Variants in TFCP2L1 observed in about 807,000 individuals in gnomAD.
TFCP2L1 encodes the protein transcription factor CP2 like 1, also known as transcription factor CP2-like protein 1.
Under a neutral mutation model 72.2 loss-of-function variants are expected in TFCP2L1, and 12 were observed. The observed-to-expected ratio is 0.17, with a 90% confidence interval of 0.11 to 0.27. The LOEUF (loss-of-function observed/expected upper bound fraction) is 0.27. Among genes scored for constraint, TFCP2L1 ranks in the 10% least tolerant of loss-of-function variants. The probability of loss-of-function intolerance (pLI) is 1.00; values close to 1 mark genes in which losing one functional copy is unlikely to be tolerated. For missense variants in TFCP2L1, 488 were observed against 624.6 expected (o/e 0.78, Z 2.33); for synonymous variants, 260 against 251.0 (o/e 1.04, Z -0.34).
intron 1 of TFCP2L1, 101 bp from the exon 2 acceptor site, chr2:121,281,372 G>C (rs1354377805): frequency 1.5e-6 from 2 of 1,351,988 alleles, no homozygotes; most frequent in East Asian, 2.4e-5. Flanking sequence ...CCGGGGCCCA[G>C]GGTGACACGG....
chr2:121,231,973 G>C lies in TFCP2L1; in HGVS notation c.1199-5C>G. 2 of 1,581,172 alleles carry C rather than the reference G, an allele frequency of 1.3e-6. No individual in the cohort carries two copies. The highest frequency in any genetic ancestry group is 1.7e-6 in the Non-Finnish European group (2 of 1,159,262). On this transcript the variant is annotated splice_region_variant and splice_polypyrimidine_tract_variant and intron_variant, in intron 12 of 14. Transcript: ENST00000263707. Reference sequence around the variant, plus strand: ...CCAGGAAGATGGCGTGGTACACTGGGGGAAGGAGGAGCAAGTGCTGCTTTC... The same window carrying C: ...CCAGGAAGATGGCGTGGTACACTGGCGGAAGGAGGAGCAAGTGCTGCTTTC...
At chr2:121,247,081 G>C in intron 5 of TFCP2L1, 111 bp from the exon 6 acceptor site, 1 of 1,333,162 alleles carries the variant, frequency 7.5e-7, no homozygotes, top group Middle Eastern at 2.5e-4. Context: ...GTCAGTGCAG[G>C]CCTGCCTCGA....
chr2:121,226,681 A>T (rs1686037584), intron 13 of TFCP2L1, among the ~76,000 whole-genome samples: 1 of 152,156 alleles, frequency 6.6e-6, no homozygotes, highest in Admixed American at 6.5e-5. Context: ...GTGACCTTGG[A>T]CAAGCCAACC....
intron 2 of TFCP2L1, among the ~76,000 whole-genome samples, chr2:121,253,434 A>G (rs1686651005): frequency 6.6e-6 from 1 of 152,220 alleles, no homozygotes; most frequent in Non-Finnish European, 1.5e-5. Context: ...CAAGAGTCCA[A>G]CACTCCCTTG....
chr2:121,268,644 C>T lies in TFCP2L1; in HGVS notation c.214+12476G>A, dbSNP rs188502122. 5.5e-4 allele frequency among the ~76,000 whole-genome samples: 84 copies of T among 151,812 alleles called. No homozygotes were observed. In the Middle Eastern group the frequency reaches 0.01, roughly 18 times the overall value. On this transcript the variant is annotated intron_variant, in intron 2 of 14. Transcript: ENST00000263707. ...TGTTATGCCTATTTTACAGAAAATG[C>T]AGTTGACAGGTTCAGGGGAGAAGAG...
chr2:121,258,618 C>T (rs1686772790), intron 2 of TFCP2L1, among the ~76,000 whole-genome samples: 1 of 152,170 alleles, frequency 6.6e-6, no homozygotes, highest in African/African-American at 2.4e-5. Flanking sequence ...TGAGGAAACA[C>T]AAGCAAACCC....
intron 2 of TFCP2L1, among the ~76,000 whole-genome samples, chr2:121,275,297 G>A (rs2104759920): frequency 6.7e-6 from 1 of 148,254 alleles, no homozygotes; most frequent in African/African-American, 2.5e-5. Context: ...TACTTGGGAG[G>A]CTGAGGCAGG....
Position 121,224,396 on chromosome 2 carries a change from G to T in TFCP2L1, c.1394-9C>A. The T allele has an allele frequency of 6.2e-7, 1 of 1,613,516 alleles. No homozygotes were observed. Among genetic ancestry groups the T allele is most frequent in the Non-Finnish European group, 8.5e-7 (1 of 1,179,882 alleles). ...GCCATCATTGCTCTCAGCTGCAAGA[G>T]AGAAACACTGGGTGTATTTCACAGG... On this transcript the variant is annotated splice_polypyrimidine_tract_variant and intron_variant, in intron 14 of 14. Coordinates refer to ENST00000263707, the MANE Select transcript of TFCP2L1 (RefSeq NM_014553.3).
intron 6 of TFCP2L1, 51 bp downstream of exon 6, chr2:121,246,767 C>T (rs1375235624): frequency 6.2e-7 from 1 of 1,608,212 alleles, no homozygotes; most frequent in African/African-American, 1.3e-5. Flanking sequence ...CGAATGTGAC[C>T]ACAGGCCAGG....
chr2:121,255,539 T>A (rs918860403), intron 2 of TFCP2L1, among the ~76,000 whole-genome samples: 1 of 152,190 alleles, frequency 6.6e-6, no homozygotes, highest in African/African-American at 2.4e-5. Context: ...TTTCCCTATG[T>A]TATAAACGAG....
intron 2 of TFCP2L1, 112 bp from the exon 3 acceptor site, chr2:121,249,759 T>C: frequency 9.2e-7 from 1 of 1,081,326 alleles, no homozygotes; most frequent in Non-Finnish European, 1.4e-6. Flanking sequence ...CTCAAGGCCC[T>C]GGGGAGCAAA....
intron 10 of TFCP2L1, among the ~76,000 whole-genome samples, chr2:121,237,377 C>A (rs1686271926): frequency 6.6e-6 from 1 of 152,224 alleles, no homozygotes; most frequent in Non-Finnish European, 1.5e-5. Flanking sequence ...GTGAGGAGAT[C>A]TTGACCAAGT....
chr2:121,261,010 A>G (rs1686821658), intron 2 of TFCP2L1, among the ~76,000 whole-genome samples: 3 of 152,228 alleles, frequency 2.0e-5, no homozygotes, highest in African/African-American at 7.2e-5. Flanking sequence ...ATAACGGTAG[A>G]TGCAGAAAGC....
intron 2 of TFCP2L1, among the ~76,000 whole-genome samples, chr2:121,276,435 G>C (rs1328397617): frequency 6.6e-6 from 1 of 151,974 alleles, no homozygotes; most frequent in African/African-American, 2.4e-5. Context: ...GAGTTCAAGA[G>C]CAGCTTGGGA....
At chr2:121,237,981 A>G in intron 8 of TFCP2L1, 131 bp from the exon 9 acceptor site, 1 of 950,104 alleles carries the variant, frequency 1.1e-6, no homozygotes, top group Non-Finnish European at 1.6e-6. Context: ...TGAGTCCTCA[A>G]GAATTTCCTG....
chr2:121,265,164 A>G (rs886078717), intron 2 of TFCP2L1, among the ~76,000 whole-genome samples: 2 of 152,250 alleles, frequency 1.3e-5, no homozygotes, highest in African/African-American at 4.8e-5. Flanking sequence ...AAATACTGAT[A>G]TATGCTCAAC....
chr2:121,263,587 A>G (rs968385637), intron 2 of TFCP2L1, among the ~76,000 whole-genome samples: 2 of 152,152 alleles, frequency 1.3e-5, no homozygotes, highest in African/African-American at 4.8e-5. Flanking sequence ...GCTATTCTCC[A>G]TGCAAATTAG....
chr2:121,225,030 G>GT (rs1685998434), intron 14 of TFCP2L1, among the ~76,000 whole-genome samples: 1 of 151,800 alleles, frequency 6.6e-6, no homozygotes, highest in South Asian at 2.1e-4. Context: ...ACGGGACAAG[G>GT]TGGGAAGTGG....
intron 2 of TFCP2L1, among the ~76,000 whole-genome samples, chr2:121,269,918 A>AAAAAAAAAAAAAAAATATATATATAT: frequency 8.7e-6 from 1 of 115,182 alleles, no homozygotes; most frequent in African/African-American, 3.7e-5. Flanking sequence ...AAAAAAAAAA[A>AAAAAAAAAAAAAAAATATATATATAT]ATATATATAT....
Sources: allele counts gnomAD v4.1 joint callset (sites outside exome capture counted in the v4.1 genomes callset), GRCh38; gene constraint gnomAD v4.1.1; transcripts MANE v1.5; gene names NCBI Gene and HGNC (gene_info 2026-07-23, HGNC 2026-07-21).